The following DIDO1 variants were observed in gnomAD, a reference collection of about 807,000 sequenced individuals.
The protein encoded by DIDO1 is death-inducer obliterator 1.
In DIDO1, 16 loss-of-function variants were observed where a neutral mutation model predicts 99.4. That is an observed-to-expected ratio of 0.16 (90% CI 0.11 to 0.24). The LOEUF is 0.24. Among genes scored for constraint, DIDO1 ranks in the 10% least tolerant of loss-of-function variants. The pLI is 1.00. For synonymous variants in DIDO1, 1,366 were observed against 1,239.1 expected (o/e 1.10, Z -2.15); for missense variants, 2,996 against 3,014.0 (o/e 0.99, Z 0.14).
intron 6 of DIDO1, among the ~76,000 whole-genome samples, chr20:62,902,814 T>C (rs114661435): frequency 0.019 from 2,868 of 152,326 alleles, 82 homozygotes; most frequent in African/African-American, 0.065. Context: ...AACGGTTAGA[T>C]GAAACGAACT....
chr20:62,921,632 ATTTT>A (rs34536561), intron 1 of DIDO1, among the ~76,000 whole-genome samples: 7 of 133,720 alleles, frequency 5.2e-5, no homozygotes, highest in Non-Finnish European at 3.2e-5. Context: ...GCTGCAGCCA[ATTTT>A]TTTTTTTTTT....
rs895933903 is a variant in DIDO1, at chr20:62,879,403, G to A, written c.6553C>T (p.Arg2185Trp). 4 of 1,543,476 alleles carry A rather than the reference G, an allele frequency of 2.6e-6. No homozygotes were observed. In the South Asian group the frequency reaches 3.5e-5, roughly 14 times the overall value. The change falls in exon 16 of 16, where the codon CGG (arginine) becomes TGG (tryptophan). Residue 2185 changes from arginine to tryptophan, a missense_variant. By Grantham distance (101) the Arg-to-Trp change is moderately radical. Coordinates refer to ENST00000395343, the MANE Select transcript of DIDO1 (RefSeq NM_001193369.2). This position sits in a 1 kb window ranked among gnomAD's most constrained non-coding sequence, Gnocchi z 6.3. ...CGGGACCGGTCCCGGTCGCGCCTCC[G>A]GTCTCGCTCGCGCTCTCGGTTCCTG... is the stretch of plus-strand genomic sequence containing the variant. ...RSRNRERERD[R>W]RRDRDRSRSR...
chr20:62,911,214 C>T lies in DIDO1; in HGVS notation c.399G>A (p.Lys133=). ...SGPQSASTAV[K]ERPASSEKVK... is the part of the protein sequence containing the mutation. ...CCTTTTCAGAAGAGGCTGGTCGTTCCTTCACAGCTGTGGAAGCAGACTGGG... is the reference window on the plus strand; with the variant it reads ...CCTTTTCAGAAGAGGCTGGTCGTTCTTTCACAGCTGTGGAAGCAGACTGGG... The change falls in exon 3 of 16, where the codon AAG becomes AAA. Residue 133 remains lysine (K), a synonymous_variant. Coordinates refer to ENST00000395343, the MANE Select transcript of DIDO1 (RefSeq NM_001193369.2). The surrounding 1 kb of genome is among the most constrained non-coding windows in gnomAD (Gnocchi z 7.0). 2.5e-6 allele frequency: 4 copies of T among 1,613,764 alleles called. No homozygotes were observed. Among genetic ancestry groups the T allele is most frequent in the Non-Finnish European group, 3.4e-6 (4 of 1,180,040 alleles).
chr20:62,927,407 C>T (rs1294420093), upstream of DIDO1, among the ~76,000 whole-genome samples: 2 of 152,222 alleles, frequency 1.3e-5, no homozygotes, highest in Admixed American at 6.5e-5. Flanking sequence ...TAGAGTGACA[C>T]TCTATCACCT....
At chr20:62,905,528 G>C in intron 6 of DIDO1, 1 of 1,551,036 alleles carries the variant, frequency 6.4e-7, no homozygotes, top group South Asian at 1.2e-5. Flanking sequence ...GCAGACAGGG[G>C]TGGATGTGGC....
chr20:62,923,279 G>A (rs536169612), intron 1 of DIDO1, among the ~76,000 whole-genome samples: 11 of 152,224 alleles, frequency 7.2e-5, no homozygotes, highest in Admixed American at 5.2e-4. Context: ...AGGTTCAAGC[G>A]ATTCTCCCAC....
Position 62,879,993 on chromosome 20 carries a change from T to C in DIDO1, c.5963A>G (p.Gln1988Arg), listed in dbSNP as rs1165834925. The C allele has an allele frequency of 6.2e-7, 1 of 1,611,984 alleles. No homozygotes were observed. Among genetic ancestry groups the C allele is most frequent in the African/African-American group, 1.3e-5 (1 of 75,010 alleles). Residue 1988 changes from glutamine (Q) to arginine (R), a missense_variant, in exon 16 of 16, where the codon CAG (glutamine) becomes CGG (arginine). Physicochemically the swap from Gln to Arg is conservative, Grantham distance 43 (BLOSUM62 1). Coordinates refer to ENST00000395343, the MANE Select transcript of DIDO1 (RefSeq NM_001193369.2). This position sits in a 1 kb window ranked among gnomAD's most constrained non-coding sequence, Gnocchi z 6.3. The part of the protein sequence containing the change: ...FTNQRAPAPL[Q>R]FGGLRGSAPF... ...TGCGGACCCCCGTAGTCCACCAAAC[T>C]GCAGGGGTGCAGGCGCCCTTTGGTT...
At chr20:62,937,041 T>C (rs2065395508) in intron 1 of DIDO1, among the ~76,000 whole-genome samples, 1 of 152,232 alleles carries the variant, frequency 6.6e-6, no homozygotes, top group Non-Finnish European at 1.5e-5. Context: ...TCCTCCAACC[T>C]ATTTGCCGAA....
chr20:62,878,954 T>C lies in DIDO1; in HGVS notation c.*279A>G. 5.9e-6 allele frequency: 2 copies of C among 341,474 alleles called. No homozygotes were observed. Among genetic ancestry groups the C allele is most frequent in the Non-Finnish European group, 1.0e-5 (2 of 191,878 alleles). The allele number at this position is 341,474 out of a possible 1,614,324, so 21.2% of individuals were successfully genotyped here. The stretch of plus-strand genomic sequence containing the variant: ...TCCCTTAAAATTTACAATAAAGTTA[T>C]TGGAAAAGATAACTATGATCTGAAA... On this transcript the variant is annotated 3_prime_UTR_variant, in exon 16 of 16. Coordinates refer to ENST00000395343, the MANE Select transcript of DIDO1 (RefSeq NM_001193369.2).
At chr20:62,908,456 C>G (rs1413517546) in intron 4 of DIDO1, among the ~76,000 whole-genome samples, 5 of 152,208 alleles carry the variant, frequency 3.3e-5, no homozygotes, top group Admixed American at 3.3e-4. Flanking sequence ...CAAGCCAGGA[C>G]TGCAGTAACT....
rs2064144446 is a variant in DIDO1 at position 62,878,693 on chromosome 20, C to T, written c.*540G>A. 1 of 152,202 alleles carries T rather than the reference C, an allele frequency of 6.6e-6. No homozygotes were observed. The highest frequency in any genetic ancestry group is 6.5e-5 in the Admixed American group (1 of 15,278). The allele number at this position is 152,202 out of a possible 1,614,324, so 9.4% of individuals were successfully genotyped here. A position where few individuals can be genotyped will look rare whatever the true frequency, so the allele number is the denominator to read the frequency against. On this transcript the variant is annotated 3_prime_UTR_variant, in exon 16 of 16. Transcript: ENST00000395343. Reference sequence around the variant, plus strand: ...CGCTAAGAAATGTGTTTCTGTTTCCCAGTTGAAAATTGTAATTCCAATTTT... The same window carrying T: ...CGCTAAGAAATGTGTTTCTGTTTCCTAGTTGAAAATTGTAATTCCAATTTT...
At chr20:62,937,539 G>A (rs2065404232) in intron 1 of DIDO1, among the ~76,000 whole-genome samples, 1 of 152,270 alleles carries the variant, frequency 6.6e-6, no homozygotes, top group Non-Finnish European at 1.5e-5. Context: ...TTCCCCACCT[G>A]GCCTCGAGTG....
At chr20:62,931,642 G>A (rs568472599) in intron 1 of DIDO1, among the ~76,000 whole-genome samples, 36 of 152,306 alleles carry the variant, frequency 2.4e-4, no homozygotes, top group Non-Finnish European at 3.7e-4. Flanking sequence ...CTGCTGGCGA[G>A]CACCAGGAGG....
chr20:62,896,422 A>C lies in DIDO1; in HGVS notation c.2055-30T>G. 1 of 1,602,930 alleles carries C rather than the reference A, an allele frequency of 6.2e-7. No individual in the cohort carries two copies. The highest frequency in any genetic ancestry group is 8.5e-7 in the Non-Finnish European group (1 of 1,177,358). Reference sequence around the variant, plus strand: ...ACAGAATAAAAAAAAGGAACTACATAAGACACTTGTGTATATTAAACTTTT... The same window carrying C: ...ACAGAATAAAAAAAAGGAACTACATCAGACACTTGTGTATATTAAACTTTT... On this transcript the variant is annotated intron_variant, in intron 7 of 15. Transcript: ENST00000395343. The surrounding 1 kb of genome is among the most constrained non-coding windows in gnomAD (Gnocchi z 4.4).
intron 15 of DIDO1, chr20:62,890,414 G>A (rs1168092138): frequency 7.1e-6 from 7 of 989,038 alleles, no homozygotes; most frequent in Non-Finnish European, 8.4e-6. Context: ...TACTTTCCAA[G>A]GAACGTGCAA....
In DIDO1 at chr20:62,894,783, T is replaced by C. The variant is rs2064480115; in HGVS notation, c.2436+27A>G. On this transcript the variant is annotated intron_variant, in intron 10 of 15. Coordinates refer to ENST00000395343, the MANE Select transcript of DIDO1 (RefSeq NM_001193369.2). The surrounding 1 kb of genome is among the most constrained non-coding windows in gnomAD (Gnocchi z 4.4). ...TTGGGATGGATTAGTCTATTCTCGGTGAACACAAAATCTCCCAAATGCTTA... is the reference window on the plus strand; with the variant it reads ...TTGGGATGGATTAGTCTATTCTCGGCGAACACAAAATCTCCCAAATGCTTA... 2 of 1,598,412 alleles carry C rather than the reference T, an allele frequency of 1.3e-6. No individual in the cohort carries two copies. Among genetic ancestry groups the C allele is most frequent in the African/African-American group, 2.7e-5 (2 of 73,824 alleles).
chr20:62,909,527 G>A (rs1247499215), intron 4 of DIDO1, among the ~76,000 whole-genome samples, 172 bp downstream of exon 4: 3 of 152,248 alleles, frequency 2.0e-5, no homozygotes, highest in Non-Finnish European at 2.9e-5. Context: ...GAGGTAGACA[G>A]GGTAAGAATA....
intron 1 of DIDO1, among the ~76,000 whole-genome samples, chr20:62,921,698 A>C (rs1413900689): frequency 6.7e-6 from 1 of 148,698 alleles, no homozygotes; most frequent in Non-Finnish European, 1.5e-5. Context: ...GGAGCGACTG[A>C]TCACGGCTCA....
chr20:62,911,684 C>T lies in DIDO1; in HGVS notation c.-2-70G>A, dbSNP rs527849186. ...CAAAAGGTGACATTGCCGCCAAACA[C>T]GCGCAGCAGGGGCCACCTCCCTACA... On this transcript the variant is annotated intron_variant, in intron 2 of 15. Coordinates refer to ENST00000395343, the MANE Select transcript of DIDO1 (RefSeq NM_001193369.2). The surrounding 1 kb of genome is among the most constrained non-coding windows in gnomAD (Gnocchi z 7.0). 1.8e-5 allele frequency: 25 copies of T among 1,404,524 alleles called. No individual in the cohort carries two copies. In the African/African-American group the frequency reaches 1.9e-4, roughly 10 times the overall value. 87.0% of individuals were successfully genotyped at this position (1,404,524 alleles called of 1,614,324 possible).
Sources: allele counts gnomAD v4.1 joint callset (sites outside exome capture counted in the v4.1 genomes callset), GRCh38; gene constraint gnomAD v4.1.1; non-coding constraint Gnocchi (gnomAD v3.1); transcripts MANE v1.5; gene names NCBI Gene and HGNC (gene_info 2026-07-23, HGNC 2026-07-21).